NCOA2: variants seen among roughly 807,000 people sequenced by gnomAD.
The protein encoded by NCOA2 is class E basic helix-loop-helix protein 75.
A neutral mutation model predicts 145.1 loss-of-function variants in NCOA2; 21 were observed. The observed-to-expected ratio is 0.14, with a 90% confidence interval of 0.10 to 0.21. The LOEUF is 0.21. Ranked by LOEUF, NCOA2 falls within the 10% of genes least tolerant of loss-of-function variation. The pLI, the probability that NCOA2 is intolerant of heterozygous loss-of-function variation, is 1.00. For missense variants in NCOA2, 1,472 were observed against 1,837.6 expected, an observed-to-expected ratio of 0.80 and a Z score of 3.64; for synonymous variants, 619 against 637.5, an observed-to-expected ratio of 0.97 and a Z score of 0.44.
chr8:70,347,206 T>G (rs1173329322), intron 1 of NCOA2, among the ~76,000 whole-genome samples: 1 of 151,962 alleles, frequency 6.6e-6, no homozygotes, highest in East Asian at 1.9e-4. Flanking sequence ...AAAAATCGGC[T>G]GGGCACGGTG....
Position 70,341,681 on chromosome 8 carries a change from C to T in NCOA2, c.-76-44881G>A, listed in dbSNP as rs148300575. ...TACTCATGACTGCTCTTATTTAGTA[C>T]TTAAAATATTACTGTCTTGTTTATA... is the stretch of plus-strand genomic sequence containing the variant. On this transcript the variant is annotated intron_variant, in intron 1 of 22. Transcript: ENST00000452400. Among the ~76,000 whole-genome samples, 127 of 152,246 alleles carry T rather than the reference C, an allele frequency of 8.3e-4. No homozygotes were observed. The East Asian group carries it at 0.024, about 29-fold the overall frequency.
intron 2 of NCOA2, among the ~76,000 whole-genome samples, chr8:70,289,648 A>C (rs1826512629): frequency 6.6e-6 from 1 of 152,204 alleles, no homozygotes; most frequent in Non-Finnish European, 1.5e-5. Context: ...GTTTAAAAAA[A>C]GGAAGTCCTT....
intron 1 of NCOA2, among the ~76,000 whole-genome samples, chr8:70,314,124 G>A (rs1256791313): frequency 7.5e-6 from 1 of 132,616 alleles, no homozygotes; most frequent in Non-Finnish European, 1.5e-5. Context: ...AGCTTGCAGT[G>A]AGCCGAGATC....
the NCOA2 span, among the ~76,000 whole-genome samples, chr8:70,450,011 T>C: frequency 6.6e-6 from 1 of 152,100 alleles, no homozygotes; most frequent in South Asian, 2.1e-4. Flanking sequence ...ATACCTTTTT[T>C]TTATTTTTAG....
At chr8:70,272,401 T>C (rs1389536683) in intron 2 of NCOA2, among the ~76,000 whole-genome samples, 5 of 152,254 alleles carry the variant, frequency 3.3e-5, no homozygotes, top group African/African-American at 7.2e-5. Context: ...ATCTAACTTA[T>C]CTACGTGTCT....
chr8:70,176,447 T>C (rs1044816588), intron 4 of NCOA2, among the ~76,000 whole-genome samples: 27 of 152,306 alleles, frequency 1.8e-4, no homozygotes, highest in African/African-American at 6.0e-4. Context: ...TGCTGGGTCC[T>C]GTACATTTGT....
intron 12 of NCOA2, among the ~76,000 whole-genome samples, chr8:70,145,614 C>A (rs1412625507): frequency 1.4e-5 from 2 of 142,472 alleles, no homozygotes; most frequent in African/African-American, 2.7e-5. Context: ...AGCCACTGTG[C>A]CCAGCCCTTT....
At chr8:70,331,555 G>T (rs971572808) in intron 1 of NCOA2, among the ~76,000 whole-genome samples, 3 of 152,034 alleles carry the variant, frequency 2.0e-5, no homozygotes, top group African/African-American at 7.2e-5. Context: ...TTAATGCTAT[G>T]TATTAATTTA....
chr8:70,423,808 T>G, the NCOA2 span, among the ~76,000 whole-genome samples: 1 of 152,124 alleles, frequency 6.6e-6, no homozygotes, highest in Non-Finnish European at 1.5e-5. Context: ...CCACCCCAGA[T>G]CTGTGCCAAG....
chr8:70,159,391 G>T, intron 10 of NCOA2, 114 bp downstream of exon 10: 1 of 938,992 alleles, frequency 1.1e-6, no homozygotes, highest in Non-Finnish European at 1.6e-6. Context: ...ACATTACTGG[G>T]ATTGATGAGA....
intron 1 of NCOA2, among the ~76,000 whole-genome samples, chr8:70,328,078 A>C (rs560455480): frequency 6.6e-6 from 1 of 152,368 alleles, no homozygotes; most frequent in African/African-American, 2.4e-5. Flanking sequence ...TACACAACTT[A>C]GCACTATTAT....
chr8:70,155,265 G>C (rs1232966074), intron 11 of NCOA2, among the ~76,000 whole-genome samples: 2 of 151,976 alleles, frequency 1.3e-5, no homozygotes, highest in Non-Finnish European at 2.9e-5. Context: ...TATACCAGTG[G>C]TCTAAGAAAT....
At chr8:70,363,805 T>C (rs1047730658) in intron 1 of NCOA2, among the ~76,000 whole-genome samples, 1 of 152,098 alleles carries the variant, frequency 6.6e-6, no homozygotes, top group Admixed American at 6.6e-5. Context: ...TCTACATACA[T>C]CAGCCAAAAC....
At chr8:70,231,220 T>TC (rs1420603316) in intron 2 of NCOA2, among the ~76,000 whole-genome samples, 1 of 152,244 alleles carries the variant, frequency 6.6e-6, no homozygotes, top group African/African-American at 2.4e-5. Flanking sequence ...CAACGAGTAT[T>TC]AAGATGTTTT....
At chr8:70,158,921 G>T (rs1202216549) in intron 10 of NCOA2, among the ~76,000 whole-genome samples, 3 of 151,798 alleles carry the variant, frequency 2.0e-5, no homozygotes, top group Non-Finnish European at 4.4e-5. Context: ...TCATGTCTAA[G>T]CAAACTTAGT....
At position 70,112,051 on chromosome 8, in the gene NCOA2, G is replaced by A; in HGVS notation, c.*1581C>T. 1 of 210,720 alleles carries A rather than the reference G, an allele frequency of 4.7e-6. No homozygotes were observed. The highest frequency in any genetic ancestry group is 1.9e-4 in the South Asian group (1 of 5,324). 13.1% of individuals were successfully genotyped at this position (210,720 alleles called of 1,614,324 possible). A position where few individuals can be genotyped will look rare whatever the true frequency, so the allele number is the denominator to read the frequency against. The stretch of plus-strand genomic sequence containing the variant: ...GGCAAGAAAAACAACCATAAAAGTG[G>A]CCTGCTTAGTAACATGTAGTCTTTC... On this transcript the variant is annotated 3_prime_UTR_variant, in exon 23 of 23. Transcript: ENST00000452400.
chr8:70,264,136 C>T (rs1487951859), intron 2 of NCOA2, among the ~76,000 whole-genome samples: 2 of 151,812 alleles, frequency 1.3e-5, no homozygotes, highest in African/African-American at 4.8e-5. Context: ...CACTTGAACC[C>T]GGGAGGCAGA....
chr8:70,258,025 C>G (rs1823791440), intron 2 of NCOA2, among the ~76,000 whole-genome samples: 1 of 152,132 alleles, frequency 6.6e-6, no homozygotes, highest in African/African-American at 2.4e-5. Context: ...TCAAGTGACC[C>G]TCCCACCTCA....
chr8:70,413,640 C>T, the NCOA2 span, among the ~76,000 whole-genome samples: 1 of 152,208 alleles, frequency 6.6e-6, no homozygotes, highest in African/African-American at 2.4e-5. Flanking sequence ...GCTTTATAAA[C>T]ATGGACCACT....
Sources: allele counts gnomAD v4.1 joint callset (sites outside exome capture counted in the v4.1 genomes callset), GRCh38; gene constraint gnomAD v4.1.1; transcripts MANE v1.5; gene names NCBI Gene and HGNC (gene_info 2026-07-23, HGNC 2026-07-21).